The following LGALS8 variants were observed in gnomAD, a reference collection of about 807,000 sequenced individuals.
LGALS8 encodes the protein galectin 8, also known as galectin-8.
Under a neutral mutation model 35.9 loss-of-function variants are expected in LGALS8, and 30 were observed. That is an observed-to-expected ratio of 0.83 (90% confidence interval 0.62 to 1.13). The LOEUF (loss-of-function observed/expected upper bound fraction) is 1.13. Among genes scored for constraint, LGALS8 ranks in the 50% most tolerant of loss-of-function variants. The probability of loss-of-function intolerance (pLI) is 0.00; values close to 1 mark genes in which losing one functional copy is unlikely to be tolerated. For synonymous variants in LGALS8, 138 were observed against 136.1 expected, an observed-to-expected ratio of 1.01 and a Z score of -0.10; for missense variants, 366 against 388.7, an observed-to-expected ratio of 0.94 and a Z score of 0.49.
chr1:236,550,690 T>C lies in LGALS8; in HGVS notation c.*2529T>C, dbSNP rs954547980. ...CTGTATAAAAATACCGTGTATCATT[T>C]ACTCTTTCTGCAGCTCTATACGATA... On this transcript the variant is annotated 3_prime_UTR_variant, in exon 10 of 10. Transcript: ENST00000366584. The C allele has an allele frequency of 1.1e-5, 5 of 468,030 alleles. No homozygotes were observed. The highest frequency in any genetic ancestry group is 1.9e-5 in the Non-Finnish European group (5 of 265,618). 29.0% of individuals were successfully genotyped at this position (468,030 alleles called of 1,614,324 possible).
chr1:236,547,343 C>T (rs572545246), intron 9 of LGALS8, among the ~76,000 whole-genome samples: 4 of 92,820 alleles, frequency 4.3e-5, no homozygotes, highest in South Asian at 2.8e-4. Context: ...CGAACACTGC[C>T]GATGGATCTG....
At chr1:236,522,185 T>G (rs780498697), upstream of LGALS8, among the ~76,000 whole-genome samples, 3 of 152,244 alleles carry the variant, frequency 2.0e-5, no homozygotes, top group Non-Finnish European at 4.4e-5. Flanking sequence ...ATCCAGATTT[T>G]CTTTGTTAAC....
chr1:236,541,572 AT>A (rs574826189), intron 5 of LGALS8, 81 bp from the exon 6 acceptor site: 67 of 662,478 alleles, frequency 1.0e-4, no homozygotes, highest in African/African-American at 6.2e-4. Context: ...ACCATTTATA[AT>A]TTTTTTATAT....
intron 4 of LGALS8, chr1:236,539,978 A>AGGGAGGGAG (rs35867648): frequency 4.0e-5 from 6 of 151,274 alleles, no homozygotes. Flanking sequence ...AGAGGGAGGG[A>AGGGAGGGAG]GGAGGAGCCT....
rs1661905958 is a variant in LGALS8 at position 236,540,432 on chromosome 1, CAT to C, written c.346-131_346-130del. 8 of 1,003,654 alleles carry C rather than the reference CAT, an allele frequency of 8.0e-6. No homozygotes were observed. The South Asian group carries it at 1.8e-4, about 23-fold the overall frequency. The allele number at this position is 1,003,654 out of a possible 1,614,324, so 62.2% of individuals were successfully genotyped here. A position where few individuals can be genotyped will look rare whatever the true frequency, so the allele number is the denominator to read the frequency against. On this transcript the variant is annotated intron_variant, in intron 4 of 9. Coordinates refer to ENST00000366584, the MANE Select transcript of LGALS8 (RefSeq NM_201544.4). The stretch of plus-strand genomic sequence containing the variant: ...TGGGTGCTTTCGGTTACCATTTGGT[CAT>C]GTGTGTGGAGACCTGTGGGAACAGG...
chr1:236,541,529 T>G, intron 5 of LGALS8, 125 bp from the exon 6 acceptor site: 1 of 571,030 alleles, frequency 1.8e-6, no homozygotes, highest in Non-Finnish European at 3.1e-6. Flanking sequence ...TCAAGTGTAT[T>G]TTTGGATCAT....
chr1:236,527,955 C>T (rs1660910650), intron 2 of LGALS8, among the ~76,000 whole-genome samples: 1 of 152,130 alleles, frequency 6.6e-6, no homozygotes, highest in Non-Finnish European at 1.5e-5. Context: ...AGCCTAGTCT[C>T]AAACTCCTGA....
intron 7 of LGALS8, chr1:236,543,163 T>C (rs1247119354): frequency 2.3e-6 from 2 of 887,844 alleles, no homozygotes; most frequent in African/African-American, 1.7e-5. Context: ...GTGCCGTCCC[T>C]GGACGGATTC....
rs538792739 is a variant in LGALS8, at chr1:236,551,033, T to A, written c.*2872T>A. On this transcript the variant is annotated 3_prime_UTR_variant, in exon 10 of 10. Coordinates refer to ENST00000366584, the MANE Select transcript of LGALS8 (RefSeq NM_201544.4). ...AAATCAAAATTAAAATCTGAGTCAG[T>A]CCGCCTGCCTCGGTTCTCATTAGTT... 1 of 1,426,080 alleles carries A rather than the reference T, an allele frequency of 7.0e-7. No homozygotes were observed. The highest frequency in any genetic ancestry group is 9.5e-7 in the Non-Finnish European group (1 of 1,053,668). The allele number at this position is 1,426,080 out of a possible 1,614,324, so 88.3% of individuals were successfully genotyped here.
rs1041942 is a variant in LGALS8 at position 236,548,651 on chromosome 1, T to A, written c.*490T>A. The stretch of plus-strand genomic sequence containing the variant: ...CTAAGGGGTCCTCTGGGATTAGTTA[T>A]GCAGATATTAAATCACCCGAAGACA... On this transcript the variant is annotated 3_prime_UTR_variant, in exon 10 of 10. Coordinates refer to ENST00000366584, the MANE Select transcript of LGALS8 (RefSeq NM_201544.4). The A allele has an allele frequency of 0.63, 213,968 of 337,336 alleles. 69,570 individuals are homozygous for A. Among genetic ancestry groups the A allele is most frequent in the Non-Finnish European group, 0.69 (129,725 of 188,092 alleles). 20.9% of individuals were successfully genotyped at this position (337,336 alleles called of 1,614,324 possible).
Position 236,550,903 on chromosome 1 carries a change from T to C in LGALS8, c.*2742T>C, listed in dbSNP as rs749372018. ...GAGTATGAAACACCACAGAAAGTCT[T>C]AGAAATAGCTCTGGAGTGGCTCTCC... is the stretch of plus-strand genomic sequence containing the variant. On this transcript the variant is annotated 3_prime_UTR_variant, in exon 10 of 10. Coordinates refer to ENST00000366584, the MANE Select transcript of LGALS8 (RefSeq NM_201544.4). The C allele has an allele frequency of 1.4e-5, 23 of 1,597,726 alleles. No homozygotes were observed. Among genetic ancestry groups the C allele is most frequent in the East Asian group, 8.9e-5 (4 of 44,724 alleles).
chr1:236,528,790 G>C lies in LGALS8; in HGVS notation c.45+2675G>C, dbSNP rs539868095. ...CCCGCCTCGGCCTCCCAAAGTGTTG[G>C]GATTACAGGCATGAGCCACCATGCC... is the stretch of plus-strand genomic sequence containing the variant. On this transcript the variant is annotated intron_variant, in intron 2 of 9. Coordinates refer to ENST00000366584, the MANE Select transcript of LGALS8 (RefSeq NM_201544.4). 2.6e-4 allele frequency among the ~76,000 whole-genome samples: 39 copies of C among 152,044 alleles called. 1 individual carries two copies. The highest frequency in any genetic ancestry group is 2.2e-3 in the Admixed American group (34 of 15,268).
At chr1:236,539,525 G>C (rs1661816870) in intron 4 of LGALS8, among the ~76,000 whole-genome samples, 1 of 151,992 alleles carries the variant, frequency 6.6e-6, no homozygotes, top group African/African-American at 2.4e-5. Flanking sequence ...TTTAGACCCA[G>C]AGGAGATCCT....
intron 6 of LGALS8, chr1:236,542,461 CAG>C: frequency 4.8e-6 from 2 of 415,968 alleles, no homozygotes; most frequent in Non-Finnish European, 8.6e-6. Context: ...GTGTGGATGA[CAG>C]AGTAAGACCC....
In LGALS8 at chr1:236,549,114, G is replaced by C; in HGVS notation, c.*953G>C. 1 of 397,566 alleles carries C rather than the reference G, an allele frequency of 2.5e-6. No homozygotes were observed. The allele number at this position is 397,566 out of a possible 1,614,324, so 24.6% of individuals were successfully genotyped here. On this transcript the variant is annotated 3_prime_UTR_variant, in exon 10 of 10. Transcript: ENST00000366584. ...GTACGCCAACTAAGGGACCCACAAAGCAGGCAGAGGTAATGCAGAAATCTG... is the reference window on the plus strand; with the variant it reads ...GTACGCCAACTAAGGGACCCACAAACCAGGCAGAGGTAATGCAGAAATCTG...
intron 2 of LGALS8, 137 bp from the exon 3 acceptor site, chr1:236,537,360 A>G: frequency 1.6e-6 from 1 of 606,950 alleles, no homozygotes; most frequent in Non-Finnish European, 2.9e-6. Flanking sequence ...TGACTTGGAA[A>G]ATGCTGGATT....
chr1:236,537,638 T>C (rs2103088777), intron 3 of LGALS8, 53 bp downstream of exon 3: 1 of 1,256,286 alleles, frequency 8.0e-7, no homozygotes, highest in Non-Finnish European at 1.2e-6. Flanking sequence ...TTTTTGTGAT[T>C]GTGGAATGAT....
At chr1:236,533,117 T>A (rs1425044387) in intron 2 of LGALS8, among the ~76,000 whole-genome samples, 1 of 152,192 alleles carries the variant, frequency 6.6e-6, no homozygotes, top group African/African-American at 2.4e-5. Flanking sequence ...CTCTAAAATC[T>A]GACCCTGGCT....
At chr1:236,534,980 GA>G (rs1274046074) in intron 2 of LGALS8, among the ~76,000 whole-genome samples, 1 of 82,778 alleles carries the variant, frequency 1.2e-5, no homozygotes, top group Non-Finnish European at 3.0e-5. Context: ...AGAATCGCTT[GA>G]ACCCGGGAGG....
Sources: allele counts gnomAD v4.1 joint callset (sites outside exome capture counted in the v4.1 genomes callset), GRCh38; gene constraint gnomAD v4.1.1; transcripts MANE v1.5; gene names NCBI Gene and HGNC (gene_info 2026-07-23, HGNC 2026-07-21).